Variants in CCDC191 observed in about 807,000 individuals in gnomAD.
The protein encoded by CCDC191 is coiled-coil domain-containing protein 191.
A neutral mutation model predicts 114.0 loss-of-function variants in CCDC191; 99 were observed. The observed-to-expected ratio is 0.87, with a 90% CI of 0.74 to 1.03. The LOEUF (loss-of-function observed/expected upper bound fraction) is 1.03. Ranked by LOEUF, CCDC191 falls within the 50% of genes least tolerant of loss-of-function variation. The probability of loss-of-function intolerance (pLI) is 0.00; values close to 1 mark genes in which losing one functional copy is unlikely to be tolerated. For missense variants in CCDC191, 973 were observed against 1,087.0 expected, an observed-to-expected ratio of 0.90 and a Z score of 1.47; for synonymous variants, 351 against 376.0, an observed-to-expected ratio of 0.93 and a Z score of 0.77.
chr3:114,051,516 C>T (rs1318635893), intron 2 of CCDC191, among the ~76,000 whole-genome samples: 1 of 152,096 alleles, frequency 6.6e-6, no homozygotes, highest in Non-Finnish European at 1.5e-5. Context: ...TTGCTTGAGC[C>T]CAGGAGTTTG....
intron 14 of CCDC191, among the ~76,000 whole-genome samples, chr3:113,979,321 C>T (rs2075054993): frequency 6.6e-6 from 1 of 152,176 alleles, no homozygotes; most frequent in Admixed American, 6.5e-5. Flanking sequence ...GGGTAGCTGG[C>T]AACATTCTCA....
chr3:114,036,615 T>C lies in CCDC191; in HGVS notation c.587A>G (p.His196Arg). The C allele has an allele frequency of 6.3e-7, 1 of 1,596,460 alleles. No homozygotes were observed. Among genetic ancestry groups the C allele is most frequent in the Non-Finnish European group, 8.5e-7 (1 of 1,171,306 alleles). Reference sequence around the variant, plus strand: ...TTTGTTTTTCCCTCCCACCTGCTTATGTCTCATCTCCATGGTAAGACGAGG... The same window carrying C: ...TTTGTTTTTCCCTCCCACCTGCTTACGTCTCATCTCCATGGTAAGACGAGG... ...KDPRLTMEMR[H>R]KQVKENRLRR... Residue 196 changes from histidine (H) to arginine (R), a missense_variant, in exon 5 of 17, where the codon CAT (histidine) becomes CGT (arginine). Coordinates refer to ENST00000295878, the MANE Select transcript of CCDC191 (RefSeq NM_020817.2).
In CCDC191 at chr3:114,024,647, C is replaced by T. The variant is rs905902276; in HGVS notation, c.973-5779G>A. On this transcript the variant is annotated intron_variant, in intron 7 of 16. Coordinates refer to ENST00000295878, the MANE Select transcript of CCDC191 (RefSeq NM_020817.2). ...TTCTCACTCATAGATGGGAACTGAACAATGAGAACACAGGGACACAGGAAG... is the reference window on the plus strand; with the variant it reads ...TTCTCACTCATAGATGGGAACTGAATAATGAGAACACAGGGACACAGGAAG... 4.0e-5 allele frequency among the ~76,000 whole-genome samples: 6 copies of T among 150,846 alleles called. No individual in the cohort carries two copies. In the South Asian group the frequency reaches 1.3e-3, roughly 31 times the overall value.
intron 2 of CCDC191, among the ~76,000 whole-genome samples, chr3:114,052,452 T>C (rs2076709793): frequency 6.6e-6 from 1 of 151,988 alleles, no homozygotes; most frequent in South Asian, 2.1e-4. Flanking sequence ...TCTTACTAGA[T>C]AGAGGAGTGG....
chr3:114,016,176 G>A (rs1478095111), intron 8 of CCDC191, among the ~76,000 whole-genome samples: 1 of 152,212 alleles, frequency 6.6e-6, no homozygotes, highest in African/African-American at 2.4e-5. Flanking sequence ...GTCCAGGTGA[G>A]TGAACCACAG....
chr3:114,030,648 A>G (rs2076391712), intron 7 of CCDC191, among the ~76,000 whole-genome samples: 1 of 152,156 alleles, frequency 6.6e-6, no homozygotes, highest in Admixed American at 6.6e-5. Flanking sequence ...AAATATCACC[A>G]TCAAATATGT....
chr3:114,041,608 G>A (rs2076561771), intron 4 of CCDC191, among the ~76,000 whole-genome samples: 2 of 152,166 alleles, frequency 1.3e-5, no homozygotes, highest in Non-Finnish European at 1.5e-5. Flanking sequence ...GGGTTGGCGA[G>A]GAGGGTAGAT....
chr3:114,050,893 T>A (rs548788219), intron 2 of CCDC191, among the ~76,000 whole-genome samples: 7 of 152,288 alleles, frequency 4.6e-5, no homozygotes, highest in Non-Finnish European at 7.4e-5. Flanking sequence ...GTCCATCTCA[T>A]CAAGATGAGG....
In CCDC191 at chr3:114,001,616, T is replaced by A; in HGVS notation, c.2142A>T (p.Glu714Asp). Residue 714 changes from glutamate (E) to aspartate (D), a missense_variant, in exon 13 of 17, where the codon GAA (glutamate) becomes GAT (aspartate). By Grantham distance (45) the Glu-to-Asp change is conservative. Transcript: ENST00000295878. ...EKEAQLERKREEKRLKKMKEL... is the reference protein window; with the variant it reads ...EKEAQLERKRDEKRLKKMKEL... ...TAACCATTTTCTTCAGTCTCTTCTC[T>A]TCTCGTTTTCTTTCAAGCTGTGCCT... The A allele has an allele frequency of 6.2e-7, 1 of 1,613,866 alleles. No homozygotes were observed. Among genetic ancestry groups the A allele is most frequent in the Non-Finnish European group, 8.5e-7 (1 of 1,179,804 alleles).
intron 8 of CCDC191, among the ~76,000 whole-genome samples, chr3:114,014,740 T>C (rs1046903719): frequency 1.3e-5 from 2 of 152,180 alleles, no homozygotes; most frequent in African/African-American, 2.4e-5. Flanking sequence ...GTGGGACCCA[T>C]GAATTTCTAT....
At chr3:114,012,906 T>C (rs1187945630) in intron 8 of CCDC191, among the ~76,000 whole-genome samples, 2 of 152,140 alleles carry the variant, frequency 1.3e-5, no homozygotes, top group Non-Finnish European at 2.9e-5. Flanking sequence ...AAAAAATGCA[T>C]GTTCAATATA....
chr3:114,029,750 T>C (rs2076377679), intron 7 of CCDC191, among the ~76,000 whole-genome samples: 1 of 152,076 alleles, frequency 6.6e-6, no homozygotes, highest in South Asian at 2.1e-4. Flanking sequence ...TATCACATCT[T>C]ATAGCATTCT....
intron 4 of CCDC191, among the ~76,000 whole-genome samples, chr3:114,038,007 G>A (rs2076510378): frequency 6.6e-6 from 1 of 152,154 alleles, no homozygotes; most frequent in African/African-American, 2.4e-5. Context: ...ATAGCTAAAT[G>A]CTTACCTTTT....
Position 114,036,837 on chromosome 3 carries a change from T to C in CCDC191, c.416-51A>G. The C allele has an allele frequency of 1.7e-6, 2 of 1,197,976 alleles. 1 individual carries two copies. Among genetic ancestry groups the C allele is most frequent in the South Asian group, 3.8e-5 (2 of 52,490 alleles). The allele number at this position is 1,197,976 out of a possible 1,614,324, so 74.2% of individuals were successfully genotyped here. A position where few individuals can be genotyped will look rare whatever the true frequency, so the allele number is the denominator to read the frequency against. On this transcript the variant is annotated intron_variant, in intron 4 of 16. Coordinates refer to ENST00000295878, the MANE Select transcript of CCDC191 (RefSeq NM_020817.2). ...GGGAATTTTTTTAAAAAATTAATTT[T>C]AGTATTATATTCATATTTACATAAA...
At position 113,977,871 on chromosome 3, in the gene CCDC191, A is replaced by G. The variant is rs548396238; in HGVS notation, c.2606+315T>C. Among the ~76,000 whole-genome samples, 12 of 152,334 alleles carry G rather than the reference A, an allele frequency of 7.9e-5. 1 individual carries two copies. In the South Asian group the frequency reaches 2.5e-3, roughly 32 times the overall value. ...AACTGAACTTAAAAAATAAAACTAT[A>G]TTTGACTAACAAAGAATACAGTACT... On this transcript the variant is annotated intron_variant, in intron 16 of 16. Transcript: ENST00000295878.
intron 8 of CCDC191, among the ~76,000 whole-genome samples, chr3:114,013,561 A>C (rs1348442259): frequency 6.6e-6 from 1 of 152,238 alleles, no homozygotes; most frequent in Non-Finnish European, 1.5e-5. Context: ...CATAGGTGCC[A>C]GATAATCATA....
intron 13 of CCDC191, among the ~76,000 whole-genome samples, chr3:113,996,588 A>G (rs1278767846): frequency 6.6e-5 from 10 of 152,210 alleles, no homozygotes; most frequent in African/African-American, 2.4e-4. Context: ...TTATTGCAGC[A>G]CTATTTACAA....
At chr3:114,030,084 A>G (rs557780993) in intron 7 of CCDC191, among the ~76,000 whole-genome samples, 14 of 152,202 alleles carry the variant, frequency 9.2e-5, no homozygotes, top group Non-Finnish European at 1.9e-4. Flanking sequence ...TAATTATACT[A>G]TGCTTATGTA....
chr3:114,047,929 T>A (rs1418631126), intron 2 of CCDC191, among the ~76,000 whole-genome samples: 2 of 152,078 alleles, frequency 1.3e-5, no homozygotes, highest in Admixed American at 1.3e-4. Flanking sequence ...GAGCTGAGAT[T>A]GTGCCACTGT....
Sources: allele counts gnomAD v4.1 joint callset (sites outside exome capture counted in the v4.1 genomes callset), GRCh38; gene constraint gnomAD v4.1.1; transcripts MANE v1.5; gene names NCBI Gene and HGNC (gene_info 2026-07-23, HGNC 2026-07-21).